Variants in DOCK2 observed in about 807,000 individuals in gnomAD.
DOCK2 encodes the protein dedicator of cytokinesis protein 2.
In DOCK2, 87 loss-of-function variants were observed where a neutral mutation model predicts 248.9. The observed-to-expected ratio is 0.35, with a 90% CI of 0.29 to 0.42. The LOEUF (loss-of-function observed/expected upper bound fraction) is 0.42. DOCK2 is among the 10% of genes least tolerant of loss of function. The pLI is 1.00. For synonymous variants in DOCK2, 805 were observed against 821.6 expected, an observed-to-expected ratio of 0.98 and a Z score of 0.35; for missense variants, 1,747 against 2,300.2, an observed-to-expected ratio of 0.76 and a Z score of 4.92.
intron 25 of DOCK2, among the ~76,000 whole-genome samples, chr5:169,790,781 C>T (rs764694361): frequency 7.9e-5 from 12 of 152,226 alleles, no homozygotes; most frequent in Admixed American, 3.3e-4. Context: ...GAGTCATTCT[C>T]ATCTCCATTT....
chr5:169,980,504 G>A (rs1777903155), intron 27 of DOCK2: 1 of 152,008 alleles, frequency 6.6e-6, no homozygotes, highest in African/African-American at 2.4e-5. Context: ...ACCTCTAGTG[G>A]CCACAGGCTG....
In DOCK2 at chr5:169,840,744, G is replaced by C; in HGVS notation, c.2704-13G>C. On this transcript the variant is annotated splice_polypyrimidine_tract_variant and intron_variant, in intron 26 of 51. Coordinates refer to ENST00000520908, the MANE Select transcript of DOCK2 (RefSeq NM_004946.3). ...TCCTGGTTGTCACATAGATGTCTCT[G>C]ACTGTTTTACAGGCCTTCACCTACC... 1 of 1,613,100 alleles carries C rather than the reference G, an allele frequency of 6.2e-7. No individual in the cohort carries two copies. Among genetic ancestry groups the C allele is most frequent in the Non-Finnish European group, 8.5e-7 (1 of 1,179,454 alleles).
chr5:169,899,199 G>A (rs1365194206), intron 27 of DOCK2, among the ~76,000 whole-genome samples: 1 of 152,202 alleles, frequency 6.6e-6, no homozygotes, highest in Admixed American at 6.5e-5. Context: ...CAAGGTGGCT[G>A]CTGAAGTGAA....
intron 44 of DOCK2, among the ~76,000 whole-genome samples, chr5:170,063,137 A>G (rs1207528668): frequency 6.6e-6 from 1 of 152,214 alleles, no homozygotes; most frequent in African/African-American, 2.4e-5. Context: ...CCACAGGAAA[A>G]AAAAGCAGCA....
chr5:169,984,529 C>T (rs1294130368), intron 28 of DOCK2, among the ~76,000 whole-genome samples: 1 of 152,100 alleles, frequency 6.6e-6, no homozygotes, highest in Non-Finnish European at 1.5e-5. Flanking sequence ...GGTAGTTTTC[C>T]CTAGCAACAA....
chr5:170,001,532 G>A (rs560227133), intron 30 of DOCK2, among the ~76,000 whole-genome samples: 6 of 152,184 alleles, frequency 3.9e-5, no homozygotes, highest in Admixed American at 6.5e-5. Flanking sequence ...CTGTGATGTC[G>A]GACAAGATAT....
intron 27 of DOCK2, among the ~76,000 whole-genome samples, chr5:169,931,628 C>G (rs1775759461): frequency 6.6e-6 from 1 of 152,174 alleles, no homozygotes; most frequent in Admixed American, 6.5e-5. Flanking sequence ...GATCTCTGAG[C>G]CTGCTTCCTT....
In DOCK2 at chr5:170,028,547, T is replaced by C. The variant is rs376752141; in HGVS notation, c.3467+599T>C. The C allele has an allele frequency of 4.5e-4, 69 of 154,534 alleles. No homozygotes were observed. In the South Asian group the frequency reaches 8.7e-3, roughly 20 times the overall value. The allele number at this position is 154,534 out of a possible 1,614,324, so 9.6% of individuals were successfully genotyped here. A position where few individuals can be genotyped will look rare whatever the true frequency, so the allele number is the denominator to read the frequency against. The stretch of plus-strand genomic sequence containing the variant: ...GACAGAGAACAGTGCCCAAGACCAC[T>C]GGACTTGGAGTCAGGACATCATTTT... On this transcript the variant is annotated intron_variant, in intron 34 of 51. Coordinates refer to ENST00000520908, the MANE Select transcript of DOCK2 (RefSeq NM_004946.3).
At chr5:169,939,688 TTGAC>T (rs1776154108) in intron 27 of DOCK2, among the ~76,000 whole-genome samples, 1 of 152,188 alleles carries the variant, frequency 6.6e-6, no homozygotes, top group African/African-American at 2.4e-5. Flanking sequence ...CATTCCGTCA[TTGAC>T]TGAGACGTCA....
chr5:169,682,884 A>G (rs898211790), intron 7 of DOCK2, among the ~76,000 whole-genome samples: 17 of 152,174 alleles, frequency 1.1e-4, no homozygotes, highest in African/African-American at 3.1e-4. Flanking sequence ...ATATAAGTGG[A>G]ATCGTGCAGT....
chr5:169,837,196 T>G (rs1769637796), intron 26 of DOCK2, among the ~76,000 whole-genome samples: 1 of 152,086 alleles, frequency 6.6e-6, no homozygotes, highest in African/African-American at 2.4e-5. Flanking sequence ...TTGCAGTGTG[T>G]TTAGGTTGGA....
intron 27 of DOCK2, among the ~76,000 whole-genome samples, chr5:169,854,065 C>A (rs557773531): frequency 2.0e-5 from 3 of 151,448 alleles, no homozygotes; most frequent in Admixed American, 6.6e-5. Flanking sequence ...CCTCGTGATC[C>A]GCCCACCTCG....
At chr5:169,661,186 T>C (rs917448842) in intron 2 of DOCK2, among the ~76,000 whole-genome samples, 1 of 152,206 alleles carries the variant, frequency 6.6e-6, no homozygotes, top group Non-Finnish European at 1.5e-5. Context: ...GGCACTATTA[T>C]TCTCATTTTA....
intron 27 of DOCK2, among the ~76,000 whole-genome samples, chr5:169,903,564 G>A (rs1774083868): frequency 6.6e-6 from 1 of 152,002 alleles, no homozygotes; most frequent in Non-Finnish European, 1.5e-5. Context: ...GCACAAGTGG[G>A]GAGATGGGAG....
intron 9 of DOCK2, chr5:169,695,112 A>G (rs1489190794): frequency 6.6e-6 from 1 of 152,276 alleles, no homozygotes; most frequent in East Asian, 1.9e-4. Flanking sequence ...TCTTGGGTAG[A>G]TGATTTAAAA....
chr5:169,813,042 A>C (rs918309959), intron 26 of DOCK2, among the ~76,000 whole-genome samples: 2 of 152,214 alleles, frequency 1.3e-5, no homozygotes, highest in South Asian at 4.1e-4. Flanking sequence ...GACTGGAGAA[A>C]GGTGTCTTCC....
At chr5:169,828,975 C>A (rs543135351) in intron 26 of DOCK2, among the ~76,000 whole-genome samples, 1 of 152,204 alleles carries the variant, frequency 6.6e-6, no homozygotes, top group South Asian at 2.1e-4. Flanking sequence ...GGGGCAGCTC[C>A]GAGTGGATTA....
At chr5:169,933,247 C>G (rs181938847) in intron 27 of DOCK2, among the ~76,000 whole-genome samples, 1 of 152,238 alleles carries the variant, frequency 6.6e-6, no homozygotes, top group Non-Finnish European at 1.5e-5. Flanking sequence ...GCTTCCCCTA[C>G]TTGGAGTGCA....
chr5:169,840,949 G>A, intron 27 of DOCK2, 97 bp downstream of exon 27: 1 of 1,330,782 alleles, frequency 7.5e-7, no homozygotes, highest in South Asian at 1.3e-5. Context: ...TCCCAGCATT[G>A]ATCATTGCTT....
Sources: allele counts gnomAD v4.1 joint callset (sites outside exome capture counted in the v4.1 genomes callset), GRCh38; gene constraint gnomAD v4.1.1; transcripts MANE v1.5; gene names NCBI Gene and HGNC (gene_info 2026-07-23, HGNC 2026-07-21).